DENND4A: variants seen among roughly 807,000 people sequenced by gnomAD.
DENND4A encodes C-myc promoter-binding protein.
DENND4A carries 70 observed loss-of-function variants against 199.3 expected under a neutral mutation model. The ratio of observed to expected loss-of-function variants is 0.35; its 90% CI spans 0.29 to 0.43. DENND4A has a LOEUF of 0.43. Among genes scored for constraint, DENND4A ranks in the 20% least tolerant of loss-of-function variants. The pLI, the probability that DENND4A is intolerant of heterozygous loss-of-function variation, is 1.00. For synonymous variants in DENND4A, 686 were observed against 766.9 expected (o/e 0.89, Z 1.74); for missense variants, 1,723 against 2,255.8 (o/e 0.76, Z 4.78).
chr15:65,744,190 T>C (rs1021910641), intron 4 of DENND4A, among the ~76,000 whole-genome samples: 2 of 152,142 alleles, frequency 1.3e-5, no homozygotes, highest in African/African-American at 4.8e-5. Context: ...TATCTGATTA[T>C]ATGAAGTACA....
At chr15:65,708,485 T>A (rs557461642) in intron 14 of DENND4A, among the ~76,000 whole-genome samples, 1 of 152,186 alleles carries the variant, frequency 6.6e-6, no homozygotes, top group African/African-American at 2.4e-5. Flanking sequence ...CACTGTAGAC[T>A]CAATAGCTTG....
At chr15:65,697,482 A>AT (rs1483764735) in intron 20 of DENND4A, 99 bp from the exon 21 acceptor site, 2 of 738,064 alleles carry the variant, frequency 2.7e-6, no homozygotes, top group Non-Finnish European at 2.2e-6. Flanking sequence ...TTCCTTATAA[A>AT]TTTTTTTCTG....
intron 23 of DENND4A, among the ~76,000 whole-genome samples, chr15:65,683,972 T>C (rs549184527): frequency 9.2e-5 from 14 of 152,348 alleles, no homozygotes; most frequent in African/African-American, 3.1e-4. Context: ...AATGGATTCA[T>C]ACAATATTTG....
rs1433243173 is a variant in DENND4A, at chr15:65,709,462, T to C, written c.1954-3238A>G. On this transcript the variant is annotated intron_variant, in intron 14 of 32. Transcript: ENST00000443035. ...GGCTCATGCCTGTAATCCCAGCACT[T>C]TGGGAGGTCGAGATGGGCGGATCAC... is the stretch of plus-strand genomic sequence containing the variant. Among the ~76,000 whole-genome samples, 3 of 151,878 alleles carry C rather than the reference T, an allele frequency of 2.0e-5. No individual in the cohort carries two copies. The East Asian group carries it at 5.8e-4, about 29-fold the overall frequency.
At position 65,660,378 on chromosome 15, in the gene DENND4A, C is replaced by T; in HGVS notation, c.*1473G>A. On this transcript the variant is annotated 3_prime_UTR_variant, in exon 33 of 33. Coordinates refer to ENST00000443035, the MANE Select transcript of DENND4A (RefSeq NM_001320835.1). ...GCTGAACTGATTCTAAGTCTCAGGA[C>T]TCCAAGATACCTCCAGTCCAAGTGT... 7.7e-7 allele frequency: 1 copy of T among 1,292,918 alleles called. No individual in the cohort carries two copies. The highest frequency in any genetic ancestry group is 1.1e-6 in the Non-Finnish European group (1 of 926,708). The allele number at this position is 1,292,918 out of a possible 1,614,324, so 80.1% of individuals were successfully genotyped here.
At chr15:65,702,591 G>A in intron 16 of DENND4A, 80 bp from the exon 17 acceptor site, 3 of 1,173,858 alleles carry the variant, frequency 2.6e-6, no homozygotes, top group East Asian at 2.6e-5. Context: ...ACAAGTACAA[G>A]TCACATGCTT....
At chr15:65,744,760 C>CAG (rs2076345568) in intron 4 of DENND4A, among the ~76,000 whole-genome samples, 1 of 152,098 alleles carries the variant, frequency 6.6e-6, no homozygotes, top group Non-Finnish European at 1.5e-5. Flanking sequence ...TTTGAATGTA[C>CAG]AGAAGCCTTT....
At chr15:65,781,989 A>G (rs1274631809) in intron 1 of DENND4A, among the ~76,000 whole-genome samples, 1 of 152,204 alleles carries the variant, frequency 6.6e-6, no homozygotes, top group Non-Finnish European at 1.5e-5. Context: ...TAGTGATATG[A>G]AAAAGTAGAA....
chr15:65,685,254 G>A (rs573599926), intron 23 of DENND4A, among the ~76,000 whole-genome samples: 3 of 152,250 alleles, frequency 2.0e-5, no homozygotes, highest in East Asian at 3.9e-4. Context: ...AGCCTCCCGA[G>A]TAGCTGGGAC....
intron 1 of DENND4A, among the ~76,000 whole-genome samples, chr15:65,784,910 G>A (rs1465759175): frequency 1.3e-5 from 2 of 152,236 alleles, no homozygotes; most frequent in South Asian, 2.1e-4. Flanking sequence ...CACTTTGGGA[G>A]CCTGAGGCGG....
In DENND4A at chr15:65,715,633, A is replaced by G. The variant is rs1045437528; in HGVS notation, c.1808-10T>C. The stretch of plus-strand genomic sequence containing the variant: ...CGGCTTCTTAAGAAAGCTGTTCAAC[A>G]AAAATATATAATGTCAGAATACATA... On this transcript the variant is annotated splice_polypyrimidine_tract_variant and intron_variant, in intron 13 of 32. Coordinates refer to ENST00000443035, the MANE Select transcript of DENND4A (RefSeq NM_001320835.1). 1.4e-5 allele frequency: 22 copies of G among 1,533,866 alleles called. No homozygotes were observed. The African/African-American group carries it at 2.4e-4, about 16-fold the overall frequency.
chr15:65,756,578 T>C, intron 2 of DENND4A, 106 bp from the exon 3 acceptor site: 1 of 693,350 alleles, frequency 1.4e-6, no homozygotes, highest in South Asian at 2.1e-5. Flanking sequence ...CACTAGTTCC[T>C]TGATAAACAC....
Position 65,709,695 on chromosome 15 carries a change from CAAA to C in DENND4A, c.1954-3474_1954-3472del, listed in dbSNP as rs1171075195. On this transcript the variant is annotated intron_variant, in intron 14 of 32. Transcript: ENST00000443035. ...GGCAACAAGAGCAAAAACTCCATCT[CAAA>C]AAAAAAAAAAAAAAAAAAAAAATAT... Among the ~76,000 whole-genome samples the C allele has an allele frequency of 4.2e-3, 152 of 36,150 alleles. 1 individual carries two copies. The highest frequency in any genetic ancestry group is 0.015 in the African/African-American group (145 of 9,662). 23.7% of individuals were successfully genotyped at this position (36,150 alleles called of 152,430 possible).
At chr15:65,733,191 C>T (rs2076011877) in intron 7 of DENND4A, among the ~76,000 whole-genome samples, 1 of 152,148 alleles carries the variant, frequency 6.6e-6, no homozygotes, top group Non-Finnish European at 1.5e-5. Context: ...ACAACAAACA[C>T]TTAAGGTGCT....
intron 7 of DENND4A, among the ~76,000 whole-genome samples, chr15:65,734,008 T>A (rs1449217541): frequency 6.6e-6 from 1 of 152,206 alleles, no homozygotes; most frequent in East Asian, 1.9e-4. Flanking sequence ...TCTCCCCATG[T>A]GATAGTCTGA....
chr15:65,788,366 C>A (rs1233797601), intron 1 of DENND4A, among the ~76,000 whole-genome samples: 1 of 152,146 alleles, frequency 6.6e-6, no homozygotes, highest in Non-Finnish European at 1.5e-5. Flanking sequence ...TGAGCCACTG[C>A]GCCTGGCCAG....
At chr15:65,748,035 G>A (rs774371405) in intron 4 of DENND4A, among the ~76,000 whole-genome samples, 266 of 80,512 alleles carry the variant, frequency 3.3e-3, no homozygotes, top group Admixed American at 6.6e-3. Flanking sequence ...GCGATACTCC[G>A]TCTCAAAAAA....
chr15:65,753,306 T>C (rs2076614739), intron 3 of DENND4A, among the ~76,000 whole-genome samples: 1 of 152,196 alleles, frequency 6.6e-6, no homozygotes, highest in Non-Finnish European at 1.5e-5. Context: ...ATTTGTACTT[T>C]AATGCCAAGT....
At chr15:65,674,248 A>C (rs1347738051) in intron 24 of DENND4A, among the ~76,000 whole-genome samples, 1 of 152,210 alleles carries the variant, frequency 6.6e-6, no homozygotes, top group Non-Finnish European at 1.5e-5. Flanking sequence ...ATTATGATTT[A>C]TGTTTTCAAA....
Sources: allele counts gnomAD v4.1 joint callset (sites outside exome capture counted in the v4.1 genomes callset), GRCh38; gene constraint gnomAD v4.1.1; transcripts MANE v1.5; gene names NCBI Gene and HGNC (gene_info 2026-07-23, HGNC 2026-07-21).